Variants in ABAT observed in about 807,000 individuals in gnomAD.
ABAT encodes the protein 4-aminobutyrate aminotransferase, mitochondrial.
In ABAT, 45 loss-of-function variants were observed where a neutral mutation model predicts 64.6. The ratio of observed to expected loss-of-function variants is 0.70; its 90% CI spans 0.55 to 0.89. The LOEUF (loss-of-function observed/expected upper bound fraction) is 0.89, where lower values mean the gene tolerates loss of function less well. Ranked by LOEUF, ABAT falls within the 40% of genes least tolerant of loss-of-function variation. The pLI, the probability that ABAT is intolerant of heterozygous loss-of-function variation, is 0.00. For missense variants in ABAT, 633 were observed against 658.4 expected (o/e 0.96, Z 0.42); for synonymous variants, 297 against 250.5 (o/e 1.19, Z -1.75).
chr16:8,726,235 C>A (rs911010116), intron 1 of ABAT, among the ~76,000 whole-genome samples: 3 of 151,422 alleles, frequency 2.0e-5, no homozygotes, highest in Non-Finnish European at 4.4e-5. Context: ...TCTCCAGTTC[C>A]ATCCACGTTG....
chr16:8,765,122 A>G (rs2142933768), intron 8 of ABAT, among the ~76,000 whole-genome samples: 1 of 152,196 alleles, frequency 6.6e-6, no homozygotes, highest in Admixed American at 6.5e-5. Context: ...ACTTGAGCCC[A>G]GGAGCTCGAG....
intron 4 of ABAT, among the ~76,000 whole-genome samples, chr16:8,749,743 T>A (rs1314325354): frequency 2.0e-5 from 3 of 151,686 alleles, no homozygotes; most frequent in Admixed American, 6.6e-5. Flanking sequence ...AGATGGAGTC[T>A]CACTCTGTCG....
chr16:8,745,634 G>C (rs568725355), intron 2 of ABAT, among the ~76,000 whole-genome samples: 56 of 152,056 alleles, frequency 3.7e-4, no homozygotes, highest in Middle Eastern at 3.4e-3. Flanking sequence ...GGAGGTCAGG[G>C]GTGCAGTGAG....
intron 1 of ABAT, chr16:8,713,588 C>T (rs2058128385): frequency 3.5e-6 from 1 of 281,854 alleles, no homozygotes; most frequent in South Asian, 3.1e-5. Context: ...TTCCCTCCGT[C>T]CCTCTCCCTT....
chr16:8,770,237 A>G (rs1256814635), intron 11 of ABAT, among the ~76,000 whole-genome samples: 1 of 150,822 alleles, frequency 6.6e-6, no homozygotes, highest in Admixed American at 6.6e-5. Flanking sequence ...TCCTGGGTTC[A>G]TGCCATTTTC....
At chr16:8,728,458 A>G (rs1305439737) in intron 1 of ABAT, among the ~76,000 whole-genome samples, 1 of 152,216 alleles carries the variant, frequency 6.6e-6, no homozygotes, top group African/African-American at 2.4e-5. Flanking sequence ...CCTGTTTCAG[A>G]CAAGTGGTTT....
intron 1 of ABAT, among the ~76,000 whole-genome samples, chr16:8,730,309 G>A (rs754816260): frequency 1.3e-5 from 2 of 152,150 alleles, no homozygotes; most frequent in South Asian, 2.1e-4. Flanking sequence ...AATGGCAACC[G>A]CCTCCCTCCT....
At chr16:8,724,936 A>C (rs1045105237) in intron 1 of ABAT, among the ~76,000 whole-genome samples, 1 of 126,824 alleles carries the variant, frequency 7.9e-6, no homozygotes, top group Non-Finnish European at 1.7e-5. Flanking sequence ...TTTTTTTTTG[A>C]GATGGAGTCT....
intron 1 of ABAT, among the ~76,000 whole-genome samples, chr16:8,702,009 G>C (rs1669752455): frequency 6.6e-6 from 1 of 152,112 alleles, no homozygotes; most frequent in African/African-American, 2.4e-5. Context: ...CACTCTGATG[G>C]CATTGGCTGT....
In ABAT at chr16:8,750,532, C is replaced by G; in HGVS notation, c.309C>G (p.Val103=). ...MLDLYSQISS[V]PIGYSHPALL... is the part of the protein sequence containing the mutation. The stretch of plus-strand genomic sequence containing the variant: ...ATCTTTATTCCCAGATCTCCTCTGT[C>G]CCCATAGGTAAGAGCTGGGAAATCA... The change falls in exon 5 of 16, where the codon GTC becomes GTG. Residue 103 remains valine (V), a synonymous_variant. Transcript: ENST00000268251. 2 of 1,613,020 alleles carry G rather than the reference C, an allele frequency of 1.2e-6. No homozygotes were observed. The highest frequency in any genetic ancestry group is 1.7e-6 in the Non-Finnish European group (2 of 1,179,110).
At chr16:8,680,850 ATTT>A (rs1232432083) in intron 1 of ABAT, among the ~76,000 whole-genome samples, 2 of 152,052 alleles carry the variant, frequency 1.3e-5, no homozygotes, top group Non-Finnish European at 2.9e-5. Context: ...TTTGTTGCTT[ATTT>A]GTATATTATC....
At chr16:8,716,705 T>C (rs1218144606) in intron 1 of ABAT, among the ~76,000 whole-genome samples, 4 of 152,344 alleles carry the variant, frequency 2.6e-5, no homozygotes, top group Admixed American at 2.6e-4. Context: ...TGGATCCCGT[T>C]GAGAGCCTCT....
At chr16:8,759,105 A>AAAT (rs199956919) in intron 6 of ABAT, among the ~76,000 whole-genome samples, 96 of 151,822 alleles carry the variant, frequency 6.3e-4, no homozygotes, top group South Asian at 3.3e-3. Context: ...TTATCCCAAA[A>AAAT]AATAATAATA....
At chr16:8,731,876 C>T (rs1026068478) in intron 1 of ABAT, among the ~76,000 whole-genome samples, 6 of 152,030 alleles carry the variant, frequency 3.9e-5, no homozygotes, top group African/African-American at 9.7e-5. Context: ...CTCCTTGAAA[C>T]AGAGTCTCGC....
At chr16:8,697,777 A>G (rs2057736318) in intron 1 of ABAT, among the ~76,000 whole-genome samples, 1 of 152,100 alleles carries the variant, frequency 6.6e-6, no homozygotes, top group African/African-American at 2.4e-5. Context: ...CTGGGATTAC[A>G]GGTACAAGCG....
Position 8,768,944 on chromosome 16 carries a change from C to G in ABAT, c.787C>G (p.Gln263Glu). The G allele has an allele frequency of 6.2e-7, 1 of 1,614,148 alleles. No homozygotes were observed. Among genetic ancestry groups the G allele is most frequent in the East Asian group, 2.2e-5 (1 of 44,860 alleles). Residue 263 changes from glutamine (Q) to glutamate (E), a missense_variant, in exon 11 of 16, where the codon CAA becomes GAA. Physicochemically the swap from Gln to Glu is conservative, Grantham distance 29 (BLOSUM62 2). Transcript: ENST00000268251. ...TCTGGAAGAGTTTGTGAAAGAGAAC[C>G]AACAGGAGGAGGCCCGCTGTCTGGA... ...YPLEEFVKENQQEEARCLEEV... is the reference protein window; with the variant it reads ...YPLEEFVKENEQEEARCLEEV...
intron 4 of ABAT, among the ~76,000 whole-genome samples, chr16:8,749,933 T>A (rs1222109153): frequency 6.6e-6 from 1 of 152,050 alleles, no homozygotes; most frequent in Non-Finnish European, 1.5e-5. Flanking sequence ...CACGCTGGTC[T>A]TGATCTCCTG....
Position 8,776,086 on chromosome 16 carries a change from G to A in ABAT, c.1123-258G>A, listed in dbSNP as rs1388659902. 6.6e-6 allele frequency among the ~76,000 whole-genome samples: 1 copy of A among 152,184 alleles called. No homozygotes were observed. Among genetic ancestry groups the A allele is most frequent in the African/African-American group, 2.4e-5 (1 of 41,448 alleles). ...TGAGGGATTTCCCAGTGCATGGGAC[G>A]ATTTGGTCCTCCCCATAGCAGTTCC... On this transcript the variant is annotated intron_variant, in intron 13 of 15. Coordinates refer to ENST00000268251, the MANE Select transcript of ABAT (RefSeq NM_020686.6). The surrounding 1 kb of genome is among the most constrained non-coding windows in gnomAD (Gnocchi z 4.4).
In ABAT at chr16:8,738,598, TTTTTTGTTTTTG is replaced by T. The variant is rs757851425; in HGVS notation, c.70+2813_70+2824del. 127 of 377,718 alleles carry T rather than the reference TTTTTTGTTTTTG, an allele frequency of 3.4e-4. 7 individuals carry two copies. The highest frequency in any genetic ancestry group is 5.3e-4 in the Admixed American group (14 of 26,554). 23.4% of individuals were successfully genotyped at this position (377,718 alleles called of 1,614,324 possible). On this transcript the variant is annotated intron_variant, in intron 2 of 15. Transcript: ENST00000268251. ...TTGAGGTTTTGCTTTTCCTTTTTTC[TTTTTTGTTTTTG>T]TTTTTGTTTTTGTTTTTGTTTTTTT...
Sources: allele counts gnomAD v4.1 joint callset (sites outside exome capture counted in the v4.1 genomes callset), GRCh38; gene constraint gnomAD v4.1.1; non-coding constraint Gnocchi (gnomAD v3.1); transcripts MANE v1.5; gene names NCBI Gene and HGNC (gene_info 2026-07-23, HGNC 2026-07-21).